DIPK1A: variants seen among roughly 807,000 people sequenced by gnomAD.
The protein encoded by DIPK1A is family with sequence similarity 69 member A.
In DIPK1A, 27 loss-of-function variants were observed where a neutral mutation model predicts 40.8. The ratio of observed to expected loss-of-function variants is 0.66; its 90% CI spans 0.49 to 0.91. The LOEUF (loss-of-function observed/expected upper bound fraction) is 0.91. Ranked by LOEUF, DIPK1A falls within the 40% of genes least tolerant of loss-of-function variation. The pLI, the probability that DIPK1A is intolerant of heterozygous loss-of-function variation, is 0.00. For missense variants in DIPK1A, 412 were observed against 505.7 expected, an observed-to-expected ratio of 0.81 and a Z score of 1.78; for synonymous variants, 166 against 171.3, an observed-to-expected ratio of 0.97 and a Z score of 0.24.
chr1:92,861,309 T>TTC lies in DIPK1A; in HGVS notation c.190-10356_190-10355dup, dbSNP rs772387771. The stretch of plus-strand genomic sequence containing the variant: ...TAATCATATATTAATAGCTTTTCTA[T>TTC]TCTCTCTCTCTCTTTTTTTTTTTTT... On this transcript the variant is annotated intron_variant, in intron 2 of 4. Coordinates refer to ENST00000370310, the MANE Select transcript of DIPK1A (RefSeq NM_001006605.5). 1.4e-3 allele frequency among the ~76,000 whole-genome samples: 171 copies of TTC among 125,176 alleles called. 1 individual carries two copies. Among genetic ancestry groups the TTC allele is most frequent in the Middle Eastern group, 7.5e-3 (2 of 268 alleles). 82.1% of individuals were successfully genotyped at this position (125,176 alleles called of 152,430 possible).
intron 2 of DIPK1A, among the ~76,000 whole-genome samples, chr1:92,868,652 T>C (rs1435606469): frequency 6.6e-6 from 1 of 152,148 alleles, no homozygotes; most frequent in Non-Finnish European, 1.5e-5. Flanking sequence ...TTTTTAATTA[T>C]ACACATTCCA....
At chr1:92,905,539 G>A (rs540058209) in intron 1 of DIPK1A, among the ~76,000 whole-genome samples, 15 of 152,002 alleles carry the variant, frequency 9.9e-5, no homozygotes, top group Non-Finnish European at 2.1e-4. Context: ...TGTCAGATGG[G>A]TAGTTTGCAA....
At chr1:92,834,801 G>A in intron 4 of DIPK1A, 1 of 1,613,368 alleles carries the variant, frequency 6.2e-7, no homozygotes, top group Non-Finnish European at 8.5e-7. Context: ...CGTATAGAGG[G>A]GGATATGATA....
At chr1:92,889,735 T>A (rs908743009) in intron 1 of DIPK1A, among the ~76,000 whole-genome samples, 3 of 152,074 alleles carry the variant, frequency 2.0e-5, no homozygotes, top group Non-Finnish European at 4.4e-5. Flanking sequence ...GCAGCCTCTG[T>A]CTCCTGGGCT....
intron 1 of DIPK1A, among the ~76,000 whole-genome samples, chr1:92,954,685 T>G (rs1299489825): frequency 6.6e-6 from 1 of 152,124 alleles, no homozygotes; most frequent in Admixed American, 6.6e-5. Flanking sequence ...GACAACACCT[T>G]ACCTCTTCAA....
At chr1:92,890,365 G>A (rs1648807115) in intron 1 of DIPK1A, among the ~76,000 whole-genome samples, 1 of 152,104 alleles carries the variant, frequency 6.6e-6, no homozygotes, top group South Asian at 2.1e-4. Context: ...GAATAAAAGT[G>A]GTGAAAGTGG....
At chr1:92,882,215 C>T (rs1158336702) in intron 1 of DIPK1A, among the ~76,000 whole-genome samples, 1 of 152,178 alleles carries the variant, frequency 6.6e-6, no homozygotes, top group African/African-American at 2.4e-5. Context: ...TGGTGAAACC[C>T]CACCTCTATT....
At chr1:92,846,844 T>TATACACACACAC (rs1557449950) in intron 4 of DIPK1A, among the ~76,000 whole-genome samples, 1 of 1,156 alleles carries the variant, frequency 8.7e-4, no homozygotes, top group East Asian at 0.17. Context: ...TATATATATG[T>TATACACACACAC]GTGTATATAT....
In DIPK1A at chr1:92,954,307, A is replaced by AAAAT. The variant is rs1553136010; in HGVS notation, c.54+7065_54+7068dup. On this transcript the variant is annotated intron_variant, in intron 1 of 4. Coordinates refer to ENST00000370310, the MANE Select transcript of DIPK1A (RefSeq NM_001006605.5). ...AGCAAGACCCTGTCTCACAAAAAAA[A>AAAAT]AAATAAATAAATAAATAAAAGAAAT... 1.5e-3 allele frequency among the ~76,000 whole-genome samples: 218 copies of AAAAT among 147,776 alleles called. 1 individual carries two copies. The highest frequency in any genetic ancestry group is 5.1e-3 in the African/African-American group (205 of 40,072).
At chr1:92,845,888 G>T (rs1687585540) in intron 4 of DIPK1A, among the ~76,000 whole-genome samples, 2 of 151,640 alleles carry the variant, frequency 1.3e-5, no homozygotes, top group Non-Finnish European at 2.9e-5. Flanking sequence ...CCAGCTACTT[G>T]GGGGGCTGAG....
At chr1:92,941,538 A>G (rs1651149724) in intron 1 of DIPK1A, among the ~76,000 whole-genome samples, 1 of 152,190 alleles carries the variant, frequency 6.6e-6, no homozygotes, top group African/African-American at 2.4e-5. Flanking sequence ...GACATTCACT[A>G]TCTTAACACA....
chr1:92,866,105 G>A (rs1647522643), intron 2 of DIPK1A, among the ~76,000 whole-genome samples: 1 of 151,928 alleles, frequency 6.6e-6, no homozygotes, highest in African/African-American at 2.4e-5. Context: ...GGGTTTTCTT[G>A]TTTGTTTGTT....
chr1:92,960,118 T>C (rs1652013614), intron 1 of DIPK1A, among the ~76,000 whole-genome samples: 1 of 151,726 alleles, frequency 6.6e-6, no homozygotes, highest in African/African-American at 2.4e-5. Flanking sequence ...GGTTGAATTC[T>C]AGAAGGGGTT....
intron 1 of DIPK1A, among the ~76,000 whole-genome samples, chr1:92,948,667 GTGTATA>G (rs1651475022): frequency 2.1e-5 from 3 of 142,478 alleles, no homozygotes; most frequent in African/African-American, 7.7e-5. Flanking sequence ...ATATACATAT[GTGTATA>G]TATACATGTA....
At chr1:92,894,663 C>T (rs1458171992) in intron 1 of DIPK1A, among the ~76,000 whole-genome samples, 2 of 152,006 alleles carry the variant, frequency 1.3e-5, no homozygotes, top group Non-Finnish European at 2.9e-5. Context: ...CACAGCAGAG[C>T]TGAAGGAAAT....
downstream of DIPK1A, chr1:92,840,981 C>G (rs1687342379): frequency 2.4e-6 from 1 of 412,882 alleles, no homozygotes; most frequent in African/African-American, 2.0e-5. Flanking sequence ...TGTGATGGCC[C>G]ACAAATACAA....
chr1:92,890,882 A>C (rs1648840851), intron 1 of DIPK1A, among the ~76,000 whole-genome samples: 1 of 152,118 alleles, frequency 6.6e-6, no homozygotes, highest in Non-Finnish European at 1.5e-5. Context: ...GAGTTTGAGA[A>C]TTGGTATTAG....
At chr1:92,833,752 T>C in intron 4 of DIPK1A, 1 of 966,506 alleles carries the variant, frequency 1.0e-6, no homozygotes, top group Non-Finnish European at 1.6e-6. Context: ...AGAAGGGCTG[T>C]CTAGCACCTC....
intron 2 of DIPK1A, among the ~76,000 whole-genome samples, chr1:92,856,039 T>G (rs974204110): frequency 6.6e-6 from 1 of 152,166 alleles, no homozygotes; most frequent in African/African-American, 2.4e-5. Context: ...ATTGTGCCAC[T>G]GCACTCCAGC....
Sources: gnomAD v4.1 joint callset for allele counts (sites outside exome capture counted in the v4.1 genomes callset) on GRCh38, gnomAD v4.1.1 for gene constraint, MANE v1.5 for transcripts, NCBI Gene and HGNC (gene_info 2026-07-23, HGNC 2026-07-21) for gene names.